Variants in EIF2B2 observed in about 807,000 individuals in gnomAD.
EIF2B2 encodes translation initiation factor eIF2B subunit beta.
A neutral mutation model predicts 34.7 loss-of-function variants in EIF2B2; 34 were observed. That is an observed-to-expected ratio of 0.98 (90% CI 0.75 to 1.31). The LOEUF (loss-of-function observed/expected upper bound fraction) is 1.31, where lower values mean the gene tolerates loss of function less well. Ranked by LOEUF, EIF2B2 falls within the 50% of genes most tolerant of loss-of-function variation. The pLI, the probability that EIF2B2 is intolerant of heterozygous loss-of-function variation, is 0.00. For missense variants in EIF2B2, 361 were observed against 447.7 expected, an observed-to-expected ratio of 0.81 and a Z score of 1.75; for synonymous variants, 155 against 171.6, an observed-to-expected ratio of 0.90 and a Z score of 0.76.
rs529670879 is a variant in EIF2B2, at chr14:75,003,079, G to A, written c.89G>A (p.Ser30Asn). The change falls in exon 1 of 8, where the codon AGC (serine) becomes AAC (asparagine). Residue 30 changes from serine (S) to asparagine (N), a missense_variant. By Grantham distance (46) the Ser-to-Asn change is conservative. Coordinates refer to ENST00000266126, the MANE Select transcript of EIF2B2 (RefSeq NM_014239.4). ...CTGAAGCGGGGTGGTGGGCCGCGCAGCTCCGAGGAAATGGCTCGGGAGACC... is the reference window on the plus strand; with the variant it reads ...CTGAAGCGGGGTGGTGGGCCGCGCAACTCCGAGGAAATGGCTCGGGAGACC... Reference protein sequence around the residue: ...ETLKRGGGPRSSEEMARETLG... With the variant: ...ETLKRGGGPRNSEEMARETLG... The A allele has an allele frequency of 6.2e-7, 1 of 1,614,054 alleles. No individual in the cohort carries two copies. The highest frequency in any genetic ancestry group is 1.7e-5 in the Admixed American group (1 of 60,022).
chr14:75,004,766 G>A lies in EIF2B2; in HGVS notation c.463G>A (p.Ala155Thr). Reference sequence around the variant, plus strand: ...GACAATGGAGAACATTGCAGCCCAGGCTCTGGAGCACATTCACTCCAATGA... The same window carrying A: ...GACAATGGAGAACATTGCAGCCCAGACTCTGGAGCACATTCACTCCAATGA... ...EGTMENIAAQALEHIHSNEVI... is the reference protein window; with the variant it reads ...EGTMENIAAQTLEHIHSNEVI... The change falls in exon 4 of 8, where the codon GCT becomes ACT. Residue 155 changes from alanine (A) to threonine (T), a missense_variant. Ala to Thr is a moderately conservative substitution (Grantham distance 58). Transcript: ENST00000266126. 1 of 1,566,048 alleles carries A rather than the reference G, an allele frequency of 6.4e-7. No individual in the cohort carries two copies. Among genetic ancestry groups the A allele is most frequent in the South Asian group, 1.1e-5 (1 of 89,922 alleles).
At position 75,009,054 on chromosome 14, in the gene EIF2B2, G is replaced by A. The variant is rs372548739; in HGVS notation, c.922G>A (p.Val308Met). The change falls in exon 8 of 8, where the codon GTG becomes ATG. Residue 308 changes from valine to methionine, a missense_variant. Coordinates refer to ENST00000266126, the MANE Select transcript of EIF2B2 (RefSeq NM_014239.4). Reference sequence around the variant, plus strand: ...AGGGGACATTCTGGAGAAGGTCAGCGTGCATTGCCCTGTGTTTGACTACGT... The same window carrying A: ...AGGGGACATTCTGGAGAAGGTCAGCATGCATTGCCCTGTGTTTGACTACGT... ...TEGDILEKVS[V>M]HCPVFDYVPP... 2.3e-5 allele frequency: 37 copies of A among 1,614,070 alleles called. No homozygotes were observed. The highest frequency in any genetic ancestry group is 2.8e-5 in the Non-Finnish European group (33 of 1,180,010).
chr14:75,004,674 T>TAC, intron 3 of EIF2B2, 63 bp from the exon 4 acceptor site: 1 of 158,286 alleles, frequency 6.3e-6, no homozygotes, highest in Non-Finnish European at 8.3e-6. Flanking sequence ...TTCATATATA[T>TAC]ATATATATAT....
At chr14:75,008,939 T>C in intron 7 of EIF2B2, 92 bp from the exon 8 acceptor site, 1 of 1,551,664 alleles carries the variant, frequency 6.4e-7, no homozygotes, top group Non-Finnish European at 8.9e-7. Context: ...GGAGCTAATA[T>C]GCCTGCATTC....
chr14:75,005,014 GAGA>G, intron 4 of EIF2B2, 114 bp downstream of exon 4: 2 of 1,068,306 alleles, frequency 1.9e-6, no homozygotes, highest in Non-Finnish European at 1.4e-6. Flanking sequence ...TTGAGACACT[GAGA>G]AGATCAAGTA....
In EIF2B2 at chr14:75,009,139, T is replaced by C; in HGVS notation, c.1007T>C (p.Ile336Thr). 6.2e-7 allele frequency: 1 copy of C among 1,614,140 alleles called. No individual in the cohort carries two copies. Among genetic ancestry groups the C allele is most frequent in the Non-Finnish European group, 8.5e-7 (1 of 1,180,024 alleles). The change falls in exon 8 of 8, where the codon ATC becomes ACC. Residue 336 changes from isoleucine (I) to threonine (T), a missense_variant. Transcript: ENST00000266126. ...ATTGGTGGGAATGCACCTTCCTACA[T>C]CTACCGCCTGATGAGTGAACTCTAC... is the stretch of plus-strand genomic sequence containing the variant. ...SNIGGNAPSY[I>T]YRLMSELYHP... is the part of the protein sequence containing the mutation.
In EIF2B2 at chr14:75,006,110, A is replaced by G. The variant is rs1027823756; in HGVS notation, c.693+149A>G. 28 of 729,772 alleles carry G rather than the reference A, an allele frequency of 3.8e-5. No individual in the cohort carries two copies. The highest frequency in any genetic ancestry group is 5.8e-5 in the Non-Finnish European group (24 of 414,732). The allele number at this position is 729,772 out of a possible 1,614,324, so 45.2% of individuals were successfully genotyped here. On this transcript the variant is annotated intron_variant, in intron 5 of 7. Coordinates refer to ENST00000266126, the MANE Select transcript of EIF2B2 (RefSeq NM_014239.4). This position sits in a 1 kb window ranked among gnomAD's most constrained non-coding sequence, Gnocchi z 4.1. ...TTAGGCCTTTTTAATCTGTTAACTG[A>G]ATTTCTTTTCCCTTTTTTCTGCATC...
chr14:75,006,003 T>C lies in EIF2B2; in HGVS notation c.693+42T>C. ...TTATGTTGAATTCATGAAGATTATG[T>C]TTCTAAAATATTGATTTTTATCTCC... is the stretch of plus-strand genomic sequence containing the variant. On this transcript the variant is annotated intron_variant, in intron 5 of 7. Coordinates refer to ENST00000266126, the MANE Select transcript of EIF2B2 (RefSeq NM_014239.4). The surrounding 1 kb of genome is among the most constrained non-coding windows in gnomAD (Gnocchi z 4.1). The C allele has an allele frequency of 6.7e-7, 1 of 1,503,092 alleles. No homozygotes were observed. The highest frequency in any genetic ancestry group is 9.3e-7 in the Non-Finnish European group (1 of 1,080,016). 93.1% of individuals were successfully genotyped at this position (1,503,092 alleles called of 1,614,324 possible).
rs921642019 is a variant in EIF2B2 at position 75,006,998 on chromosome 14, A to G, written c.831+284A>G. The G allele has an allele frequency of 1.8e-6, 1 of 562,838 alleles. No individual in the cohort carries two copies. Among genetic ancestry groups the G allele is most frequent in the Non-Finnish European group, 3.4e-6 (1 of 297,004 alleles). 34.9% of individuals were successfully genotyped at this position (562,838 alleles called of 1,614,324 possible). On this transcript the variant is annotated intron_variant, in intron 6 of 7. Coordinates refer to ENST00000266126, the MANE Select transcript of EIF2B2 (RefSeq NM_014239.4). This position sits in a 1 kb window ranked among gnomAD's most constrained non-coding sequence, Gnocchi z 4.1. ...TGCCACCACTCCCTGTCGCCTGACCATTTCTGAAAATGCCAAGCAGGTTGA... is the reference window on the plus strand; with the variant it reads ...TGCCACCACTCCCTGTCGCCTGACCGTTTCTGAAAATGCCAAGCAGGTTGA...
intron 4 of EIF2B2, 72 bp downstream of exon 4, chr14:75,004,972 G>A (rs996519996): frequency 7.9e-6 from 12 of 1,517,696 alleles, no homozygotes; most frequent in African/African-American, 1.4e-5. Context: ...GATGGGTAGG[G>A]CCATTCCAAC....
chr14:75,005,884 A>G lies in EIF2B2; in HGVS notation c.616A>G (p.Asn206Asp), dbSNP rs1228880988. 1 of 1,613,526 alleles carries G rather than the reference A, an allele frequency of 6.2e-7. No individual in the cohort carries two copies. ...ATTGCAGGGTCATGAAATGGCTGTG[A>G]ATTTGTCCAAAGCAGGTATTGAGAC... ...PFCQGHEMAV[N>D]LSKAGIETTV... The change falls in exon 5 of 8, where the codon AAT becomes GAT. Residue 206 changes from asparagine to aspartate, a missense_variant. Transcript: ENST00000266126.
In EIF2B2 at chr14:75,009,901, G is replaced by A. The variant is rs1285665949; in HGVS notation, c.*713G>A. 6.5e-6 allele frequency: 1 copy of A among 153,722 alleles called. No homozygotes were observed. The highest frequency in any genetic ancestry group is 6.4e-5 in the Admixed American group (1 of 15,518). 9.5% of individuals were successfully genotyped at this position (153,722 alleles called of 1,614,324 possible). ...CACATGCCTGTGGCCTCGCTATGCT[G>A]GAGGCTGAGGTGGGAGGATCACTTG... On this transcript the variant is annotated 3_prime_UTR_variant, in exon 8 of 8. Transcript: ENST00000266126.
At chr14:75,004,689 A>ATATATATATATATATATATTTATTTT in intron 3 of EIF2B2, 48 bp from the exon 4 acceptor site, 1 of 146,206 alleles carries the variant, frequency 6.8e-6, no homozygotes, top group African/African-American at 7.2e-5. Context: ...ATATATATAT[A>ATATATATATATATATATATTTATTTT]TTTTTTTTTT....
At chr14:75,005,833 T>C in intron 4 of EIF2B2, 33 bp from the exon 5 acceptor site, 2 of 1,531,338 alleles carry the variant, frequency 1.3e-6, no homozygotes, top group Non-Finnish European at 1.8e-6. Context: ...TCTCACTCTT[T>C]CTCTTAGAAT....
At chr14:75,004,002 G>A (rs1566872689) in intron 3 of EIF2B2, among the ~76,000 whole-genome samples, 1 of 152,160 alleles carries the variant, frequency 6.6e-6, no homozygotes, top group East Asian at 1.9e-4. Context: ...AGCCAAGGTC[G>A]ATAGACCTCC....
At chr14:75,007,902 G>A in intron 7 of EIF2B2, 114 bp downstream of exon 7, 2 of 1,053,124 alleles carry the variant, frequency 1.9e-6, no homozygotes, top group South Asian at 1.3e-5. Flanking sequence ...ATGCTGTCAA[G>A]TTGTGTTTTT....
In EIF2B2 at chr14:75,005,969, T is replaced by G; in HGVS notation, c.693+8T>G. ...ATGTCAAGAGTCAACAAGGTGGGTATATCTGGAGTTATGTTGAATTCATGA... is the reference window on the plus strand; with the variant it reads ...ATGTCAAGAGTCAACAAGGTGGGTAGATCTGGAGTTATGTTGAATTCATGA... On this transcript the variant is annotated splice_region_variant and intron_variant, in intron 5 of 7. Coordinates refer to ENST00000266126, the MANE Select transcript of EIF2B2 (RefSeq NM_014239.4). 6.3e-7 allele frequency: 1 copy of G among 1,599,468 alleles called. No individual in the cohort carries two copies. Among genetic ancestry groups the G allele is most frequent in the Non-Finnish European group, 8.6e-7 (1 of 1,166,956 alleles).
Position 75,011,753 on chromosome 14 carries a change from A to C in EIF2B2, c.*2565A>C, listed in dbSNP as rs947428949. The stretch of plus-strand genomic sequence containing the variant: ...GGCTTGTAGCTACCAATTACGAGCA[A>C]TTGTCTCCTCCAAAGGCACCAATTC... On this transcript the variant is annotated 3_prime_UTR_variant, in exon 8 of 8. Coordinates refer to ENST00000266126, the MANE Select transcript of EIF2B2 (RefSeq NM_014239.4). The C allele has an allele frequency of 1.3e-5, 2 of 152,242 alleles. No homozygotes were observed. Among genetic ancestry groups the C allele is most frequent in the Admixed American group, 1.3e-4 (2 of 15,286 alleles). 9.4% of individuals were successfully genotyped at this position (152,242 alleles called of 1,614,324 possible).
At chr14:75,007,894 G>A in intron 7 of EIF2B2, 106 bp downstream of exon 7, 1 of 1,103,766 alleles carries the variant, frequency 9.1e-7, no homozygotes, top group Non-Finnish European at 1.4e-6. Context: ...AGAACTGAAT[G>A]CTGTCAAGTT....
Sources: gnomAD v4.1 joint callset for allele counts (sites outside exome capture counted in the v4.1 genomes callset) on GRCh38, gnomAD v4.1.1 for gene constraint, Gnocchi (gnomAD v3.1) non-coding constraint, MANE v1.5 for transcripts, NCBI Gene and HGNC (gene_info 2026-07-23, HGNC 2026-07-21) for gene names.